The following CWH43 variants were observed in gnomAD, a reference collection of about 807,000 sequenced individuals.
CWH43 encodes PGAP2-interacting protein.
A neutral mutation model predicts 85.7 loss-of-function variants in CWH43; 91 were observed. The observed-to-expected ratio is 1.06, with a 90% confidence interval of 0.90 to 1.26. The LOEUF (loss-of-function observed/expected upper bound fraction) is 1.26. Ranked by LOEUF, CWH43 falls within the 50% of genes most tolerant of loss-of-function variation. The probability of loss-of-function intolerance (pLI) is 0.00; values close to 1 mark genes in which losing one functional copy is unlikely to be tolerated. For synonymous variants in CWH43, 323 were observed against 293.6 expected (o/e 1.10, Z -1.02); for missense variants, 869 against 839.2 (o/e 1.04, Z -0.44).
chr4:48,989,001 T>A (rs776962561), intron 2 of CWH43, among the ~76,000 whole-genome samples: 2 of 152,194 alleles, frequency 1.3e-5, no homozygotes, highest in Admixed American at 6.5e-5. Context: ...TAAAAAAGTT[T>A]GTTAAATAAT....
At chr4:49,015,789 T>C (rs1329915813) in intron 8 of CWH43, among the ~76,000 whole-genome samples, 1 of 152,154 alleles carries the variant, frequency 6.6e-6, no homozygotes, top group Non-Finnish European at 1.5e-5. Flanking sequence ...TCTAATTTGA[T>C]TGTCTTTGAG....
intron 14 of CWH43, among the ~76,000 whole-genome samples, chr4:49,048,630 T>A (rs1387139647): frequency 6.6e-6 from 1 of 152,014 alleles, no homozygotes; most frequent in East Asian, 1.9e-4. Flanking sequence ...TGGCCTTTCC[T>A]TGGGTTGTGC....
At chr4:49,036,782 C>A (rs1784274436) in intron 12 of CWH43, among the ~76,000 whole-genome samples, 1 of 152,138 alleles carries the variant, frequency 6.6e-6, no homozygotes, top group African/African-American at 2.4e-5. Context: ...AGTAGAGAAG[C>A]GAGTGTATTT....
chr4:48,998,166 T>C (rs1444840666), intron 5 of CWH43, among the ~76,000 whole-genome samples: 1 of 152,232 alleles, frequency 6.6e-6, no homozygotes, highest in Non-Finnish European at 1.5e-5. Context: ...GGCAGAATCA[T>C]TTAAAATGTT....
intron 14 of CWH43, among the ~76,000 whole-genome samples, chr4:49,045,655 TGTAA>T (rs1784600355): frequency 6.6e-6 from 1 of 152,230 alleles, no homozygotes; most frequent in Non-Finnish European, 1.5e-5. Context: ...TCCAGGCTTG[TGTAA>T]GTATGCACTA....
At chr4:49,007,448 G>T in intron 8 of CWH43, 122 bp downstream of exon 8, 1 of 1,203,804 alleles carries the variant, frequency 8.3e-7, no homozygotes, top group South Asian at 2.4e-5. Flanking sequence ...TCAACATTTT[G>T]CCATGTTGTT....
chr4:48,993,908 C>T (rs1461122400), intron 4 of CWH43, among the ~76,000 whole-genome samples: 3 of 152,036 alleles, frequency 2.0e-5, no homozygotes, highest in African/African-American at 7.3e-5. Context: ...GCGTCTGCCA[C>T]CGTGCCCGGC....
chr4:49,017,433 G>C (rs191033593), intron 9 of CWH43, 105 bp downstream of exon 9: 1 of 727,240 alleles, frequency 1.4e-6, no homozygotes, highest in African/African-American at 1.8e-5. Flanking sequence ...TGACTTCAGA[G>C]CCCTGGGCCC....
intron 14 of CWH43, among the ~76,000 whole-genome samples, chr4:49,050,343 A>G (rs1188856070): frequency 3.3e-5 from 5 of 152,226 alleles, no homozygotes; most frequent in Non-Finnish European, 7.3e-5. Flanking sequence ...AAGGTAAGAA[A>G]GAAGGTGAAC....
At chr4:48,990,393 C>T (rs559809325) in intron 2 of CWH43, among the ~76,000 whole-genome samples, 38 of 152,238 alleles carry the variant, frequency 2.5e-4, no homozygotes, top group Non-Finnish European at 4.0e-4. Context: ...AAGTAAGCCA[C>T]GATTTGTCTT....
chr4:49,037,338 G>T (rs904930019), intron 12 of CWH43, among the ~76,000 whole-genome samples: 2 of 152,222 alleles, frequency 1.3e-5, no homozygotes, highest in Admixed American at 6.5e-5. Flanking sequence ...TGGGAAACAA[G>T]GTGGGTGGAT....
At chr4:48,989,188 A>G in intron 2 of CWH43, among the ~76,000 whole-genome samples, 1 of 152,204 alleles carries the variant, frequency 6.6e-6, no homozygotes. Flanking sequence ...GGGGCACAGG[A>G]TCTGATCAGT....
intron 8 of CWH43, among the ~76,000 whole-genome samples, chr4:49,016,341 G>A (rs1190902871): frequency 6.6e-6 from 1 of 152,114 alleles, no homozygotes; most frequent in Non-Finnish European, 1.5e-5. Flanking sequence ...CACAGGAGTG[G>A]GCACCATGGA....
At chr4:49,032,829 G>A (rs1379833067) in intron 12 of CWH43, 114 bp downstream of exon 12, 7 of 1,307,804 alleles carry the variant, frequency 5.4e-6, no homozygotes, top group Admixed American at 4.1e-5. Context: ...ACCTCCCAAA[G>A]TATTTCTCCC....
At chr4:49,042,721 C>T (rs955033924) in intron 13 of CWH43, among the ~76,000 whole-genome samples, 2 of 152,040 alleles carry the variant, frequency 1.3e-5, no homozygotes, top group Non-Finnish European at 2.9e-5. Context: ...ATGTGGCTAT[C>T]ATGGGGGTGT....
At chr4:49,039,330 T>TATATATATATATATATATATAC (rs1784371924) in intron 13 of CWH43, among the ~76,000 whole-genome samples, 1 of 82,794 alleles carries the variant, frequency 1.2e-5, no homozygotes, top group Non-Finnish European at 2.5e-5. Context: ...TATATATATA[T>TATATATATATATATATATATAC]ATACTGATGT....
rs1365609392 is a variant in CWH43 at position 49,028,719 on chromosome 4, C to G, written c.1357C>G (p.Leu453Val). 2 of 1,608,014 alleles carry G rather than the reference C, an allele frequency of 1.2e-6. No individual in the cohort carries two copies. Among genetic ancestry groups the G allele is most frequent in the African/African-American group, 2.7e-5 (2 of 74,778 alleles). ...GWSSLERSAHLLNETGADFIT... is the reference protein window; with the variant it reads ...GWSSLERSAHVLNETGADFIT... The stretch of plus-strand genomic sequence containing the variant: ...GTCTAGTCTAGAAAGATCAGCTCAC[C>G]TGCTCAATGAAACAGGTAAGTCTTC... Residue 453 changes from leucine to valine, a missense_variant, in exon 10 of 16, where the codon CTG becomes GTG. Around this residue, in one of 3 missense-constraint regions of CWH43, gnomAD observed 577 missense variants for 513.1 expected, o/e 1.12. Coordinates refer to ENST00000226432, the MANE Select transcript of CWH43 (RefSeq NM_025087.3).
At chr4:49,053,735 T>C (rs1017201250) in intron 15 of CWH43, among the ~76,000 whole-genome samples, 4 of 152,164 alleles carry the variant, frequency 2.6e-5, no homozygotes, top group Non-Finnish European at 5.9e-5. Flanking sequence ...ATCCAAAATC[T>C]GAAATGCTCC....
chr4:48,991,988 C>T lies in CWH43; in HGVS notation c.409C>T (p.Arg137Cys), dbSNP rs767186935. 43 of 1,613,664 alleles carry T rather than the reference C, an allele frequency of 2.7e-5. No homozygotes were observed. Among genetic ancestry groups the T allele is most frequent in the Admixed American group, 6.7e-5 (4 of 59,970 alleles). ...AGGACAGATTGTTCTTGTTGTTCTA[C>T]GCATATGGTATACTTCACTAAACCC... ...ILGQIVLVVLRIWYTSLNPIW... is the reference protein window; with the variant it reads ...ILGQIVLVVLCIWYTSLNPIW... Residue 137 changes from arginine to cysteine, a missense_variant, in exon 4 of 16, where the codon CGC (arginine) becomes TGC (cysteine). This residue lies in a region of CWH43 where 152 missense variants were observed against 203.6 expected (regional missense o/e 0.75). Transcript: ENST00000226432.
Sources: allele counts gnomAD v4.1 joint callset (sites outside exome capture counted in the v4.1 genomes callset), GRCh38; gene constraint gnomAD v4.1.1; regional missense constraint gnomAD v4.1.1; transcripts MANE v1.5; gene names NCBI Gene and HGNC (gene_info 2026-07-23, HGNC 2026-07-21).